The following CDKAL1 variants were observed in gnomAD, a reference collection of about 807,000 sequenced individuals.
The protein encoded by CDKAL1 is threonylcarbamoyladenosine tRNA methylthiotransferase.
Under a neutral mutation model 68.2 loss-of-function variants are expected in CDKAL1, and 32 were observed. The observed-to-expected ratio is 0.47, with a 90% confidence interval of 0.35 to 0.63. The LOEUF (loss-of-function observed/expected upper bound fraction) is 0.63, where lower values mean the gene tolerates loss of function less well. Among genes scored for constraint, CDKAL1 ranks in the 30% least tolerant of loss-of-function variants. CDKAL1 has a pLI of 0.00. For missense variants in CDKAL1, 606 were observed against 696.7 expected (o/e 0.87, Z 1.47); for synonymous variants, 234 against 244.3 (o/e 0.96, Z 0.39).
intron 5 of CDKAL1, among the ~76,000 whole-genome samples, chr6:20,666,638 C>T (rs756466911): frequency 3.3e-5 from 5 of 151,432 alleles, no homozygotes; most frequent in Admixed American, 1.3e-4. Context: ...TAGATTTGCC[C>T]GGCTGAGAAG....
In CDKAL1 at chr6:20,539,116, C is replaced by T. The variant is rs538816274; in HGVS notation, c.-6+3722C>T. Among the ~76,000 whole-genome samples the T allele has an allele frequency of 5.1e-4, 78 of 152,182 alleles. No individual in the cohort carries two copies. The highest frequency in any genetic ancestry group is 1.7e-3 in the African/African-American group (70 of 41,510). ...GATAAGGTAGTAGGAAAGGCCTCTC[C>T]GAGGAGATGTTGTTTGAGTGAAGAA... On this transcript the variant is annotated intron_variant, in intron 2 of 15. Coordinates refer to ENST00000274695, the MANE Select transcript of CDKAL1 (RefSeq NM_017774.3). The surrounding 1 kb of genome is among the most constrained non-coding windows in gnomAD (Gnocchi z 4.3).
intron 10 of CDKAL1, among the ~76,000 whole-genome samples, chr6:20,999,332 CAGTGGAGA>C (rs1767295905): frequency 6.6e-6 from 1 of 151,754 alleles, no homozygotes; most frequent in African/African-American, 2.4e-5. Context: ...CAGCATGCAG[CAGTGGAGA>C]AGGGCCACAT....
chr6:20,786,267 C>T (rs72832344), intron 8 of CDKAL1, among the ~76,000 whole-genome samples: 11,817 of 152,012 alleles, frequency 0.078, 774 homozygotes, highest in East Asian at 0.34. Flanking sequence ...ACATCAGTTG[C>T]TTTAGCCAAG....
intron 11 of CDKAL1, among the ~76,000 whole-genome samples, 161 bp downstream of exon 11, chr6:21,000,533 G>T (rs947708614): frequency 6.6e-6 from 1 of 152,054 alleles, no homozygotes; most frequent in African/African-American, 2.4e-5. Flanking sequence ...CTTTGATGTG[G>T]TTTTTTCTTT....
At chr6:20,763,785 T>G (rs776431056) in intron 7 of CDKAL1, among the ~76,000 whole-genome samples, 1 of 152,238 alleles carries the variant, frequency 6.6e-6, no homozygotes, top group African/African-American at 2.4e-5. Flanking sequence ...CTTGTTTTCA[T>G]TTATCTGTCT....
intron 13 of CDKAL1, among the ~76,000 whole-genome samples, chr6:21,179,938 T>C (rs1777725925): frequency 6.6e-6 from 1 of 152,082 alleles, no homozygotes; most frequent in Non-Finnish European, 1.5e-5. Context: ...AGAGGATTGC[T>C]CAAGCCCGGG....
chr6:20,881,939 C>T (rs1760844945), intron 9 of CDKAL1, among the ~76,000 whole-genome samples: 1 of 152,178 alleles, frequency 6.6e-6, no homozygotes, highest in African/African-American at 2.4e-5. Flanking sequence ...GTCAAACTCT[C>T]TTATCGCTGC....
At chr6:20,684,299 G>T (rs766538948) in intron 5 of CDKAL1, among the ~76,000 whole-genome samples, 6 of 152,172 alleles carry the variant, frequency 3.9e-5, no homozygotes, top group Admixed American at 2.0e-4. Flanking sequence ...AAAATTAGCT[G>T]GGCGTGGTGG....
chr6:20,622,913 A>T (rs1767259486), intron 4 of CDKAL1, among the ~76,000 whole-genome samples: 2 of 151,944 alleles, frequency 1.3e-5, no homozygotes, highest in South Asian at 4.1e-4. Flanking sequence ...TGCATTAGAA[A>T]CTGACACACT....
At chr6:21,004,499 T>TTCA (rs1157272644) in intron 11 of CDKAL1, among the ~76,000 whole-genome samples, 1 of 152,212 alleles carries the variant, frequency 6.6e-6, no homozygotes, top group Non-Finnish European at 1.5e-5. Context: ...AGCAATCATA[T>TTCA]GACTTAAATT....
chr6:21,023,202 A>C (rs1223228191), intron 11 of CDKAL1, among the ~76,000 whole-genome samples: 3 of 152,078 alleles, frequency 2.0e-5, no homozygotes, highest in Admixed American at 6.6e-5. Flanking sequence ...TTGTCCACAC[A>C]TGCAAATGGA....
At chr6:21,015,435 A>C (rs1284418836) in intron 11 of CDKAL1, among the ~76,000 whole-genome samples, 2 of 152,184 alleles carry the variant, frequency 1.3e-5, no homozygotes, top group African/African-American at 4.8e-5. Flanking sequence ...CAACTGTCCA[A>C]CAGTGATTCT....
chr6:21,014,801 A>G (rs968576494), intron 11 of CDKAL1, among the ~76,000 whole-genome samples: 2 of 152,254 alleles, frequency 1.3e-5, no homozygotes, highest in East Asian at 1.9e-4. Context: ...AAAAATGCAT[A>G]TCTCCTATTT....
At chr6:21,163,934 G>C (rs994314749) in intron 13 of CDKAL1, among the ~76,000 whole-genome samples, 12 of 150,452 alleles carry the variant, frequency 8.0e-5, no homozygotes, top group Admixed American at 6.6e-4. Flanking sequence ...CTGGGCAAGA[G>C]GAGCGAAACT....
chr6:20,877,438 A>G (rs1760578035), intron 9 of CDKAL1, among the ~76,000 whole-genome samples: 1 of 152,134 alleles, frequency 6.6e-6, no homozygotes, highest in South Asian at 2.1e-4. Context: ...TTTCACAGAA[A>G]CTTCAGGTGT....
rs1770124742 is a variant in CDKAL1, at chr6:20,676,694, T to TA, written c.371+27320dup. 3.5e-4 allele frequency among the ~76,000 whole-genome samples: 43 copies of TA among 124,580 alleles called. No homozygotes were observed. The South Asian group carries it at 9.1e-3, about 26-fold the overall frequency. The allele number at this position is 124,580 out of a possible 152,430, so 81.7% of individuals were successfully genotyped here. ...ATAAATAAATAAATAAATAAATAAATAAATAAATAAAATAAAATAAAATAA... is the reference window on the plus strand; with the variant it reads ...ATAAATAAATAAATAAATAAATAAATAAAATAAATAAAATAAAATAAAATAA... On this transcript the variant is annotated intron_variant, in intron 5 of 15. Transcript: ENST00000274695.
chr6:20,544,425 G>A (rs1296688581), intron 2 of CDKAL1, among the ~76,000 whole-genome samples: 1 of 151,298 alleles, frequency 6.6e-6, no homozygotes, highest in Non-Finnish European at 1.5e-5. Flanking sequence ...GTGAAACCCC[G>A]TCTCTACTAA....
intron 11 of CDKAL1, among the ~76,000 whole-genome samples, chr6:21,028,603 G>A (rs902587383): frequency 6.6e-6 from 1 of 152,026 alleles, no homozygotes; most frequent in African/African-American, 2.4e-5. Context: ...TCAGCTCAGG[G>A]CTCCACCCTT....
chr6:21,065,282 A>G, intron 12 of CDKAL1, 54 bp downstream of exon 12: 1 of 1,342,528 alleles, frequency 7.4e-7, no homozygotes, highest in South Asian at 1.3e-5. Context: ...ATAGAAATGC[A>G]GCTGTGTTGC....
Sources: gnomAD v4.1 joint callset for allele counts (sites outside exome capture counted in the v4.1 genomes callset) on GRCh38, gnomAD v4.1.1 for gene constraint, Gnocchi (gnomAD v3.1) non-coding constraint, MANE v1.5 for transcripts, NCBI Gene and HGNC (gene_info 2026-07-23, HGNC 2026-07-21) for gene names.